ARHGEF3: variants seen among roughly 807,000 people sequenced by gnomAD.
ARHGEF3 encodes the protein Rho guanine nucleotide exchange factor 3, also known as 59.8 kDA protein.
ARHGEF3 carries 28 observed loss-of-function variants against 63.2 expected under a neutral mutation model. The observed-to-expected ratio is 0.44, with a 90% CI of 0.33 to 0.61. The LOEUF is 0.61. ARHGEF3 is among the 20% of genes least tolerant of loss of function. The pLI is 0.03. For missense variants in ARHGEF3, 533 were observed against 659.3 expected (o/e 0.81, Z 2.10); for synonymous variants, 266 against 254.2 (o/e 1.05, Z -0.44).
chr3:57,016,012 C>A (rs977615734), intron 2 of ARHGEF3, among the ~76,000 whole-genome samples: 3 of 152,020 alleles, frequency 2.0e-5, no homozygotes, highest in Non-Finnish European at 4.4e-5. Flanking sequence ...TCCTCATATC[C>A]AGCAGGAAGT....
At chr3:56,782,801 A>G (rs1166601602) in intron 1 of ARHGEF3, among the ~76,000 whole-genome samples, 1 of 152,240 alleles carries the variant, frequency 6.6e-6, no homozygotes, top group Non-Finnish European at 1.5e-5. Flanking sequence ...TGAGACTCCA[A>G]CAATCTCTTG....
At position 56,816,047 on chromosome 3, in the gene ARHGEF3, G is replaced by A. The variant is rs143015718; in HGVS notation, c.193-42231C>T. 2.7e-3 allele frequency among the ~76,000 whole-genome samples: 407 copies of A among 152,156 alleles called. 1 individual carries two copies. The highest frequency in any genetic ancestry group is 9.5e-3 in the African/African-American group (394 of 41,508). ...TGACCAACATAGTGAGATCCTGTCT[G>A]TACACAAAATGTAAAAATTTAGGAG... On this transcript the variant is annotated intron_variant, in intron 4 of 12. Coordinates refer to the ARHGEF3 transcript ENST00000338458.
chr3:56,758,001 G>GTAATCCCA (rs2035182148), intron 2 of ARHGEF3, among the ~76,000 whole-genome samples: 1 of 151,510 alleles, frequency 6.6e-6, no homozygotes, highest in African/African-American at 2.4e-5. Flanking sequence ...AAAATGGCCG[G>GTAATCCCA]GCGTGGTGGC....
At chr3:57,000,608 C>G (rs1451581854) in intron 2 of ARHGEF3, among the ~76,000 whole-genome samples, 5 of 152,040 alleles carry the variant, frequency 3.3e-5, no homozygotes, top group Non-Finnish European at 7.4e-5. Flanking sequence ...ATTCGGCTCA[C>G]TGCAACCTCT....
At chr3:56,956,701 C>T (rs779482336) in intron 3 of ARHGEF3, among the ~76,000 whole-genome samples, 4 of 152,044 alleles carry the variant, frequency 2.6e-5, no homozygotes, top group Non-Finnish European at 5.9e-5. Flanking sequence ...GGTCACTCCA[C>T]GTGTACCCAC....
Position 56,737,185 on chromosome 3 carries a change from C to T in ARHGEF3, c.1041G>A (p.Val347=), listed in dbSNP as rs777874548. Residue 347 remains valine (V), a splice_region_variant and synonymous_variant, in exon 8 of 10, where the codon GTG becomes GTA. Coordinates refer to ENST00000296315, the MANE Select transcript of ARHGEF3 (RefSeq NM_019555.3). ...CTGCTTAAAGGGAGTAACTACTTACCACGCCCCGATTGTTCTTCAGTTCAC... is the reference window on the plus strand; with the variant it reads ...CTGCTTAAAGGGAGTAACTACTTACTACGCCCCGATTGTTCTTCAGTTCAC... ...CHGELKNNRG[V]KLHVFLFQEV... 3.7e-6 allele frequency: 6 copies of T among 1,612,738 alleles called. No individual in the cohort carries two copies. The highest frequency in any genetic ancestry group is 5.1e-6 in the Non-Finnish European group (6 of 1,179,218).
chr3:56,930,133 TA>T (rs2042372884), intron 3 of ARHGEF3, among the ~76,000 whole-genome samples: 1 of 152,024 alleles, frequency 6.6e-6, no homozygotes, highest in South Asian at 2.1e-4. Flanking sequence ...ACAGGTACCT[TA>T]ATAAAACCAT....
intron 4 of ARHGEF3, among the ~76,000 whole-genome samples, chr3:56,844,727 C>T (rs1169158730): frequency 6.6e-6 from 1 of 152,150 alleles, no homozygotes; most frequent in African/African-American, 2.4e-5. Flanking sequence ...TACAAAAACA[C>T]AGGGTGGTTT....
chr3:56,988,020 C>T (rs1351644773), intron 2 of ARHGEF3, among the ~76,000 whole-genome samples: 2 of 152,204 alleles, frequency 1.3e-5, no homozygotes, highest in African/African-American at 2.4e-5. Flanking sequence ...AACCTGGCTC[C>T]TCCTTCACCT....
At chr3:56,854,626 C>T (rs2039802893) in intron 4 of ARHGEF3, among the ~76,000 whole-genome samples, 1 of 152,038 alleles carries the variant, frequency 6.6e-6, no homozygotes, top group Non-Finnish European at 1.5e-5. Context: ...CTGAAGAAAA[C>T]TGGAGGACTC....
chr3:56,816,084 G>A (rs892140875), intron 4 of ARHGEF3, among the ~76,000 whole-genome samples: 3 of 152,114 alleles, frequency 2.0e-5, no homozygotes, highest in Non-Finnish European at 2.9e-5. Context: ...GCATGATGGT[G>A]CATTCCTATA....
intron 4 of ARHGEF3, among the ~76,000 whole-genome samples, chr3:56,837,833 T>G (rs543779144): frequency 1.3e-5 from 2 of 152,356 alleles, no homozygotes; most frequent in East Asian, 1.9e-4. Flanking sequence ...TGCCATCATG[T>G]GCACACAGCC....
intron 2 of ARHGEF3, 46 bp from the exon 3 acceptor site, chr3:56,755,197 T>C (rs1350591281): frequency 2.5e-6 from 4 of 1,589,576 alleles, no homozygotes; most frequent in Non-Finnish European, 3.4e-6. Context: ...GCGGCAGGAC[T>C]GGGTGGATCT....
chr3:56,934,089 T>C (rs1212060232), intron 3 of ARHGEF3, among the ~76,000 whole-genome samples: 2 of 152,222 alleles, frequency 1.3e-5, no homozygotes, highest in Non-Finnish European at 2.9e-5. Context: ...TAAACCTCTT[T>C]TCTTTATAAA....
chr3:57,015,609 T>G (rs1283728534), intron 2 of ARHGEF3, among the ~76,000 whole-genome samples: 1 of 150,304 alleles, frequency 6.7e-6, no homozygotes, highest in East Asian at 1.9e-4. Flanking sequence ...AATTTTTTTT[T>G]TTTTTTTTTT....
At chr3:56,765,677 G>A (rs948051374) in intron 2 of ARHGEF3, among the ~76,000 whole-genome samples, 4 of 152,014 alleles carry the variant, frequency 2.6e-5, no homozygotes, top group African/African-American at 9.7e-5. Context: ...TATCATCTGT[G>A]AGCCATTCCA....
rs1559877829 is a variant in ARHGEF3 at position 56,729,487 on chromosome 3, G to A, written c.1364C>T (p.Ala455Val). 1.2e-6 allele frequency: 2 copies of A among 1,614,038 alleles called. No homozygotes were observed. The highest frequency in any genetic ancestry group is 1.3e-5 in the African/African-American group (1 of 74,908). Reference protein sequence around the residue: ...RQAKETVLCAAGQAGVLDSEG... With the variant: ...RQAKETVLCAVGQAGVLDSEG... ...GGAGTCAAGCACCCCAGCTTGCCCG[G>A]CAGCACACAAAACTGTTTCTTTGGC... Residue 455 changes from alanine (A) to valine (V), a missense_variant, in exon 10 of 10, where the codon GCC becomes GTC. Ala to Val is a moderately conservative substitution (Grantham distance 64). Around this residue, in one of 4 missense-constraint regions of ARHGEF3, gnomAD observed 115 missense variants for 103.4 expected, o/e 1.11. Transcript: ENST00000296315.
rs116534438 is a variant in ARHGEF3 at position 57,019,827 on chromosome 3, C to T, written c.62+15261G>A. On this transcript the variant is annotated intron_variant, in intron 2 of 12. Transcript: ENST00000338458. ...GGGGTAAGGGTGAGCTTGGGGAAAT[C>T]TTTTCTTTAATAATCAACCCTCAAG... 4.6e-3 allele frequency among the ~76,000 whole-genome samples: 697 copies of T among 152,298 alleles called. 4 individuals carry two copies. The highest frequency in any genetic ancestry group is 0.016 in the African/African-American group (658 of 41,572).
chr3:56,889,262 T>G (rs1287840453), intron 3 of ARHGEF3, among the ~76,000 whole-genome samples: 1 of 152,142 alleles, frequency 6.6e-6, no homozygotes, highest in Non-Finnish European at 1.5e-5. Context: ...CTGGGGAAGA[T>G]TCTCTGTGAA....
Sources: gnomAD v4.1 joint callset for allele counts (sites outside exome capture counted in the v4.1 genomes callset) on GRCh38, gnomAD v4.1.1 for gene constraint, gnomAD v4.1.1 regional missense constraint, MANE v1.5 for transcripts, NCBI Gene and HGNC (gene_info 2026-07-23, HGNC 2026-07-21) for gene names.